KCMF1: variants seen among roughly 807,000 people sequenced by gnomAD.
KCMF1 encodes the protein E3 ubiquitin-protein ligase KCMF1.
KCMF1 carries 3 observed loss-of-function variants against 41.1 expected under a neutral mutation model. The ratio of observed to expected loss-of-function variants is 0.07; its 90% CI spans 0.03 to 0.19. KCMF1 has a LOEUF of 0.19. Ranked by LOEUF, KCMF1 falls within the 10% of genes least tolerant of loss-of-function variation. The pLI, the probability that KCMF1 is intolerant of heterozygous loss-of-function variation, is 1.00. For synonymous variants in KCMF1, 142 were observed against 164.5 expected (o/e 0.86, Z 1.04); for missense variants, 286 against 488.9 (o/e 0.58, Z 3.91).
intron 1 of KCMF1, among the ~76,000 whole-genome samples, chr2:84,984,066 G>A (rs1043884089): frequency 6.6e-6 from 1 of 152,104 alleles, no homozygotes; most frequent in Non-Finnish European, 1.5e-5. Context: ...CTAGGCTTTT[G>A]CTGACCACCC....
chr2:85,007,144 A>G (rs1020398812), intron 1 of KCMF1, among the ~76,000 whole-genome samples: 5 of 151,438 alleles, frequency 3.3e-5, no homozygotes, highest in Non-Finnish European at 5.9e-5. Flanking sequence ...TCTCATCCAC[A>G]TGTCCATATC....
In KCMF1 at chr2:85,058,654, A is replaced by G. The variant is rs528699462; in HGVS notation, c.*5245A>G. On this transcript the variant is annotated 3_prime_UTR_variant, in exon 7 of 7. Coordinates refer to ENST00000409785, the MANE Select transcript of KCMF1 (RefSeq NM_020122.5). The stretch of plus-strand genomic sequence containing the variant: ...AAGCTTTGTCTAAACATTATTTACC[A>G]ACTGCGATTTTTACAGACTTCCCCT... The G allele has an allele frequency of 6.6e-6, 1 of 152,282 alleles. No homozygotes were observed. The highest frequency in any genetic ancestry group is 1.5e-5 in the Non-Finnish European group (1 of 68,014). 9.4% of individuals were successfully genotyped at this position (152,282 alleles called of 1,614,324 possible).
At chr2:85,023,892 C>T (rs1332919448) in intron 1 of KCMF1, among the ~76,000 whole-genome samples, 1 of 152,180 alleles carries the variant, frequency 6.6e-6, no homozygotes, top group Non-Finnish European at 1.5e-5. Flanking sequence ...CTTGTAGTTT[C>T]TTACCGGTTT....
chr2:85,013,596 G>A (rs1674698196), intron 1 of KCMF1, among the ~76,000 whole-genome samples: 1 of 151,952 alleles, frequency 6.6e-6, no homozygotes, highest in Admixed American at 6.6e-5. Context: ...CCGGTAGTTC[G>A]AGACCAGCCT....
intron 3 of KCMF1, among the ~76,000 whole-genome samples, chr2:85,037,766 A>G (rs1675437415): frequency 6.6e-6 from 1 of 152,204 alleles, no homozygotes. Flanking sequence ...CCTCTAGACC[A>G]GGGTTCCCCA....
intron 3 of KCMF1, among the ~76,000 whole-genome samples, chr2:85,038,855 A>C (rs1675461079): frequency 6.6e-6 from 1 of 152,116 alleles, no homozygotes; most frequent in African/African-American, 2.4e-5. Flanking sequence ...ATTGTACCCC[A>C]GTTTGAAGAA....
chr2:85,044,099 G>A (rs949552158), intron 4 of KCMF1, among the ~76,000 whole-genome samples: 1 of 152,022 alleles, frequency 6.6e-6, no homozygotes, highest in Non-Finnish European at 1.5e-5. Context: ...TGTCTTCCAG[G>A]ATGGCGTTTT....
intron 1 of KCMF1, among the ~76,000 whole-genome samples, 176 bp downstream of exon 1, chr2:84,971,643 C>T (rs988540327): frequency 1.3e-5 from 2 of 150,922 alleles, no homozygotes; most frequent in Non-Finnish European, 3.0e-5. Flanking sequence ...GCGCCGCTGC[C>T]GCCACGGCCG....
At chr2:84,979,341 A>AGT (rs1673641782) in intron 1 of KCMF1, among the ~76,000 whole-genome samples, 1 of 152,024 alleles carries the variant, frequency 6.6e-6, no homozygotes, top group African/African-American at 2.4e-5. Context: ...TGGCCAACAT[A>AGT]GTGAAACCCC....
At chr2:84,988,266 G>T (rs1019733889) in intron 1 of KCMF1, among the ~76,000 whole-genome samples, 3 of 152,006 alleles carry the variant, frequency 2.0e-5, no homozygotes, top group Admixed American at 6.6e-5. Flanking sequence ...TGGGAATGGG[G>T]GTGGGAAGTA....
chr2:85,007,903 AG>A (rs2103998054), intron 1 of KCMF1, among the ~76,000 whole-genome samples: 1 of 152,256 alleles, frequency 6.6e-6, no homozygotes, highest in South Asian at 2.1e-4. Context: ...CTGGGATTAC[AG>A]GCACTGCCAC....
rs1574047026 is a variant in KCMF1 at position 85,053,995 on chromosome 2, G to C, written c.*586G>C. On this transcript the variant is annotated 3_prime_UTR_variant, in exon 7 of 7. Coordinates refer to ENST00000409785, the MANE Select transcript of KCMF1 (RefSeq NM_020122.5). Reference sequence around the variant, plus strand: ...AAGCCAGCTCTGCAGTGGAATCTGGGGATTATAGCCGGGTGTGGCACTCCG... The same window carrying C: ...AAGCCAGCTCTGCAGTGGAATCTGGCGATTATAGCCGGGTGTGGCACTCCG... 1 of 152,438 alleles carries C rather than the reference G, an allele frequency of 6.6e-6. No individual in the cohort carries two copies. The highest frequency in any genetic ancestry group is 1.5e-5 in the Non-Finnish European group (1 of 68,304). The allele number at this position is 152,438 out of a possible 1,614,324, so 9.4% of individuals were successfully genotyped here.
At chr2:84,978,011 T>C (rs2103961708) in intron 1 of KCMF1, among the ~76,000 whole-genome samples, 1 of 152,172 alleles carries the variant, frequency 6.6e-6, no homozygotes, top group African/African-American at 2.4e-5. Flanking sequence ...GCAATCTTTT[T>C]TTTTTTTTCT....
At position 85,045,154 on chromosome 2, in the gene KCMF1, C is replaced by A. The variant is rs930335284; in HGVS notation, c.427-950C>A. Among the ~76,000 whole-genome samples the A allele has an allele frequency of 3.3e-5, 5 of 152,136 alleles. No homozygotes were observed. The South Asian group carries it at 6.2e-4, about 19-fold the overall frequency. ...ACTCAAGAGGCTGAGGTAGGAGGAT[C>A]ACTTGAGCCCATGAGCTCAAGGCTG... On this transcript the variant is annotated intron_variant, in intron 4 of 6. Coordinates refer to ENST00000409785, the MANE Select transcript of KCMF1 (RefSeq NM_020122.5).
At chr2:85,032,028 G>A (rs1049241289) in intron 2 of KCMF1, among the ~76,000 whole-genome samples, 2 of 152,156 alleles carry the variant, frequency 1.3e-5, no homozygotes, top group African/African-American at 2.4e-5. Flanking sequence ...ATGAGCCACC[G>A]CGGCTGTTTT....
chr2:85,034,811 G>A (rs1227979477), intron 2 of KCMF1, among the ~76,000 whole-genome samples: 1 of 152,000 alleles, frequency 6.6e-6, no homozygotes, highest in East Asian at 1.9e-4. Flanking sequence ...TAGTAGACAC[G>A]AGGTTTTACC....
At chr2:85,008,312 T>TATATA (rs372495671) in intron 1 of KCMF1, among the ~76,000 whole-genome samples, 2,322 of 17,598 alleles carry the variant, frequency 0.13, 112 homozygotes, top group South Asian at 0.26. Flanking sequence ...TATAATATGA[T>TATATA]ATATATATCA....
intron 2 of KCMF1, among the ~76,000 whole-genome samples, chr2:85,029,056 G>C (rs1675194140): frequency 6.6e-6 from 1 of 152,010 alleles, no homozygotes; most frequent in Non-Finnish European, 1.5e-5. Flanking sequence ...TGCAACATCT[G>C]CCTCCTGGCT....
At chr2:85,000,376 A>G (rs541658140) in intron 1 of KCMF1, among the ~76,000 whole-genome samples, 2 of 151,986 alleles carry the variant, frequency 1.3e-5, no homozygotes, top group Non-Finnish European at 2.9e-5. Flanking sequence ...GCCCATCTCA[A>G]CCTCCCAAAG....
Sources: gnomAD v4.1 joint callset for allele counts (sites outside exome capture counted in the v4.1 genomes callset) on GRCh38, gnomAD v4.1.1 for gene constraint, MANE v1.5 for transcripts, NCBI Gene and HGNC (gene_info 2026-07-23, HGNC 2026-07-21) for gene names.